The following BRMS1 variants were observed in gnomAD, a reference collection of about 807,000 sequenced individuals.
BRMS1 encodes the protein breast cancer metastasis-suppressor 1.
A neutral mutation model predicts 40.4 loss-of-function variants in BRMS1; 26 were observed. The ratio of observed to expected loss-of-function variants is 0.64; its 90% CI spans 0.47 to 0.89. The LOEUF is 0.89. BRMS1 is among the 40% of genes least tolerant of loss of function. BRMS1 has a pLI of 0.00. For synonymous variants in BRMS1, 103 were observed against 116.0 expected, an observed-to-expected ratio of 0.89 and a Z score of 0.72; for missense variants, 289 against 309.4, an observed-to-expected ratio of 0.93 and a Z score of 0.49.
chr11:66,340,003 G>A (rs1855028585), intron 7 of BRMS1, 118 bp downstream of exon 7: 1 of 759,224 alleles, frequency 1.3e-6, no homozygotes, highest in Non-Finnish European at 2.2e-6. Flanking sequence ...ATGACACCAA[G>A]CAACCACGAG....
chr11:66,343,178 C>A (rs1855122628), intron 1 of BRMS1, among the ~76,000 whole-genome samples: 1 of 152,232 alleles, frequency 6.6e-6, no homozygotes, highest in East Asian at 1.9e-4. Flanking sequence ...GCTGTTCCTA[C>A]TTTCACCTCC....
At position 66,341,677 on chromosome 11, in the gene BRMS1, C is replaced by T; in HGVS notation, c.140-54G>A. On this transcript the variant is annotated intron_variant, in intron 2 of 9. Transcript: ENST00000359957. The surrounding 1 kb of genome is among the most constrained non-coding windows in gnomAD (Gnocchi z 4.9). ...TCTGGGGAGGAGTGGTGGGTACCCG[C>T]ATGTGTGCATGTGCGTCCTGCATGT... 7.1e-7 allele frequency: 1 copy of T among 1,417,468 alleles called. No homozygotes were observed. The highest frequency in any genetic ancestry group is 1.0e-6 in the Non-Finnish European group (1 of 1,002,888). 87.8% of individuals were successfully genotyped at this position (1,417,468 alleles called of 1,614,324 possible).
chr11:66,344,408 G>C (rs893921363), intron 1 of BRMS1, among the ~76,000 whole-genome samples: 1 of 152,140 alleles, frequency 6.6e-6, no homozygotes, highest in African/African-American at 2.4e-5. Flanking sequence ...GAAAGGCTCG[G>C]TTCTCTAAAC....
At chr11:66,337,928 G>A in intron 9 of BRMS1, 39 bp from the exon 10 acceptor site, 3 of 1,590,178 alleles carry the variant, frequency 1.9e-6, no homozygotes, top group South Asian at 2.3e-5. Context: ...TCACCAGTTA[G>A]GAAGCTGAAA....
At chr11:66,338,844 CACCT>C (rs979614966) in intron 7 of BRMS1, 59 bp from the exon 8 acceptor site, 10 of 1,476,308 alleles carry the variant, frequency 6.8e-6, no homozygotes, top group African/African-American at 5.7e-5. Flanking sequence ...CAGGGCCACC[CACCT>C]GACATTCAGG....
rs1855077485 is a variant in BRMS1 at position 66,341,602 on chromosome 11, T to C, written c.161A>G (p.Glu54Gly). The change falls in exon 3 of 10, where the codon GAG becomes GGG. Residue 54 changes from glutamate to glycine, a missense_variant. Physicochemically the swap from Glu to Gly is moderately conservative, Grantham distance 98 (BLOSUM62 -2). Coordinates refer to ENST00000359957, the MANE Select transcript of BRMS1 (RefSeq NM_015399.4). The surrounding 1 kb of genome is among the most constrained non-coding windows in gnomAD (Gnocchi z 4.9). ...ACTGACACACTCGCTGCGGCGTCGC[T>C]CATAGTCCTCATCATCCATCTCTGG... ...ESSEMDDEDY[E>G]RRRSECVSEM... is the part of the protein sequence containing the mutation. 2 of 1,614,040 alleles carry C rather than the reference T, an allele frequency of 1.2e-6. No homozygotes were observed. The highest frequency in any genetic ancestry group is 1.7e-5 in the Admixed American group (1 of 60,022).
chr11:66,343,459 G>C (rs1855130572), intron 1 of BRMS1, among the ~76,000 whole-genome samples: 1 of 152,144 alleles, frequency 6.6e-6, no homozygotes, highest in African/African-American at 2.4e-5. Context: ...GGGAGACAGG[G>C]GCAAAGGAGC....
In BRMS1 at chr11:66,340,818, A is replaced by T; in HGVS notation, c.491T>A (p.Ile164Asn). The change falls in exon 6 of 10, where the codon ATC (isoleucine) becomes AAC (asparagine). Residue 164 changes from isoleucine (I) to asparagine (N), a missense_variant. Transcript: ENST00000359957. ...CTGGCGGTCCTCCTCCAGCCTCTGGATCCGCTCCTGCAGCTCCCCCTGCAG... is the reference window on the plus strand; with the variant it reads ...CTGGCGGTCCTCCTCCAGCCTCTGGTTCCGCTCCTGCAGCTCCCCCTGCAG... Reference protein sequence around the residue: ...DTLQGELQERIQRLEEDRQSL... With the variant: ...DTLQGELQERNQRLEEDRQSL... 1 of 1,613,782 alleles carries T rather than the reference A, an allele frequency of 6.2e-7. No individual in the cohort carries two copies. The highest frequency in any genetic ancestry group is 1.7e-4 in the Middle Eastern group (1 of 5,984).
chr11:66,338,636 C>A, intron 8 of BRMS1, 85 bp downstream of exon 8: 1 of 1,607,362 alleles, frequency 6.2e-7, no homozygotes, highest in Non-Finnish European at 8.5e-7. Context: ...GAGCAGAGAA[C>A]TCCCAGGCCT....
At position 66,341,179 on chromosome 11, in the gene BRMS1, G is replaced by C; in HGVS notation, c.358+27C>G. The C allele has an allele frequency of 1.2e-6, 2 of 1,611,374 alleles. No homozygotes were observed. The highest frequency in any genetic ancestry group is 1.1e-5 in the South Asian group (1 of 91,046). On this transcript the variant is annotated intron_variant, in intron 4 of 9. Coordinates refer to ENST00000359957, the MANE Select transcript of BRMS1 (RefSeq NM_015399.4). This position sits in a 1 kb window ranked among gnomAD's most constrained non-coding sequence, Gnocchi z 4.9. The stretch of plus-strand genomic sequence containing the variant: ...CAGGGTGCCACGGGTTCTGGGAGGG[G>C]AAGAGGGTACAGAACCACCCACAGA...
Position 66,341,632 on chromosome 11 carries a change from A to C in BRMS1, c.140-9T>G. 1 of 1,613,562 alleles carries C rather than the reference A, an allele frequency of 6.2e-7. No individual in the cohort carries two copies. Among genetic ancestry groups the C allele is most frequent in the Non-Finnish European group, 8.5e-7 (1 of 1,179,634 alleles). ...GTCCTCATCATCCATCTCTGGGACA[A>C]GAGGCCAGTAAGGGCTAGCTCTGGG... On this transcript the variant is annotated splice_polypyrimidine_tract_variant and intron_variant, in intron 2 of 9. Coordinates refer to ENST00000359957, the MANE Select transcript of BRMS1 (RefSeq NM_015399.4). This position sits in a 1 kb window ranked among gnomAD's most constrained non-coding sequence, Gnocchi z 4.9.
Position 66,337,806 on chromosome 11 carries a change from G to A in BRMS1, c.*76C>T, listed in dbSNP as rs1854959420. On this transcript the variant is annotated 3_prime_UTR_variant, in exon 10 of 10. Transcript: ENST00000359957. Reference sequence around the variant, plus strand: ...CCCTGAGGGGCCTGTGGGTCCGCCTGTCTGCAGGAGGAAGACGAGAATCCT... The same window carrying A: ...CCCTGAGGGGCCTGTGGGTCCGCCTATCTGCAGGAGGAAGACGAGAATCCT... 1 of 1,614,008 alleles carries A rather than the reference G, an allele frequency of 6.2e-7. No individual in the cohort carries two copies. Among genetic ancestry groups the A allele is most frequent in the African/African-American group, 1.3e-5 (1 of 74,946 alleles).
At chr11:66,342,285 C>CA in intron 1 of BRMS1, 44 bp from the exon 2 acceptor site, 1 of 1,602,160 alleles carries the variant, frequency 6.2e-7, no homozygotes, top group Non-Finnish European at 8.5e-7. Context: ...GCCCACAGCT[C>CA]AGAGGGGGAA....
rs1218098998 is a variant in BRMS1, at chr11:66,337,786, A to C, written c.*96T>G. The C allele has an allele frequency of 1.9e-6, 3 of 1,613,664 alleles. No individual in the cohort carries two copies. The highest frequency in any genetic ancestry group is 2.5e-6 in the Non-Finnish European group (3 of 1,179,894). Reference sequence around the variant, plus strand: ...CAGGAGCCTGGCTGGGCAGACCCTGAGGGGCCTGTGGGTCCGCCTGTCTGC... The same window carrying C: ...CAGGAGCCTGGCTGGGCAGACCCTGCGGGGCCTGTGGGTCCGCCTGTCTGC... On this transcript the variant is annotated 3_prime_UTR_variant, in exon 10 of 10. Coordinates refer to ENST00000359957, the MANE Select transcript of BRMS1 (RefSeq NM_015399.4).
Position 66,337,402 on chromosome 11 carries a change from A to G in BRMS1, c.*480T>C, listed in dbSNP as rs1449732619. 6 of 476,754 alleles carry G rather than the reference A, an allele frequency of 1.3e-5. No individual in the cohort carries two copies. The allele number at this position is 476,754 out of a possible 1,614,324, so 29.5% of individuals were successfully genotyped here. A position where few individuals can be genotyped will look rare whatever the true frequency, so the allele number is the denominator to read the frequency against. On this transcript the variant is annotated 3_prime_UTR_variant, in exon 10 of 10. Coordinates refer to ENST00000359957, the MANE Select transcript of BRMS1 (RefSeq NM_015399.4). ...GAAGCAGACACCAAGAACTGCCCTG[A>G]GAACACCTGGGGGGCCTGGCATCTT... is the stretch of plus-strand genomic sequence containing the variant.
intron 9 of BRMS1, 48 bp downstream of exon 9, chr11:66,338,195 G>A: frequency 6.2e-7 from 1 of 1,601,382 alleles, no homozygotes; most frequent in East Asian, 2.2e-5. Flanking sequence ...CTGAGGAAAG[G>A]TGATGGCAAG....
intron 1 of BRMS1, among the ~76,000 whole-genome samples, chr11:66,342,788 C>T (rs1261198477): frequency 2.0e-5 from 3 of 152,366 alleles, no homozygotes; most frequent in Non-Finnish European, 2.9e-5. Context: ...CTTGACCTAC[C>T]GGTCCAGCTC....
Position 66,337,512 on chromosome 11 carries a change from G to T in BRMS1, c.*370C>A. On this transcript the variant is annotated 3_prime_UTR_variant, in exon 10 of 10. Coordinates refer to ENST00000359957, the MANE Select transcript of BRMS1 (RefSeq NM_015399.4). ...CCGCACAGTGGAAACTGGCTCCCTG[G>T]CCCTGAGGCCGGACAGCCTGCATCC... is the stretch of plus-strand genomic sequence containing the variant. The T allele has an allele frequency of 1.5e-6, 1 of 647,256 alleles. No individual in the cohort carries two copies. Among genetic ancestry groups the T allele is most frequent in the Non-Finnish European group, 2.6e-6 (1 of 379,646 alleles). 40.1% of individuals were successfully genotyped at this position (647,256 alleles called of 1,614,324 possible). A position where few individuals can be genotyped will look rare whatever the true frequency, so the allele number is the denominator to read the frequency against.
At chr11:66,343,515 G>A (rs559778990) in intron 1 of BRMS1, among the ~76,000 whole-genome samples, 38 of 152,272 alleles carry the variant, frequency 2.5e-4, no homozygotes, top group African/African-American at 8.7e-4. Context: ...GGGGCATAAG[G>A]GAGGGGTATA....
Sources: gnomAD v4.1 joint callset for allele counts (sites outside exome capture counted in the v4.1 genomes callset) on GRCh38, gnomAD v4.1.1 for gene constraint, Gnocchi (gnomAD v3.1) non-coding constraint, MANE v1.5 for transcripts, NCBI Gene and HGNC (gene_info 2026-07-23, HGNC 2026-07-21) for gene names.